TTC27: variants seen among roughly 807,000 people sequenced by gnomAD.
The protein encoded by TTC27 is tetratricopeptide repeat domain 27.
Under a neutral mutation model 115.9 loss-of-function variants are expected in TTC27, and 79 were observed. The ratio of observed to expected loss-of-function variants is 0.68; its 90% confidence interval spans 0.57 to 0.82. The LOEUF (loss-of-function observed/expected upper bound fraction) is 0.82, where lower values mean the gene tolerates loss of function less well. Among genes scored for constraint, TTC27 ranks in the 40% least tolerant of loss-of-function variants. The pLI, the probability that TTC27 is intolerant of heterozygous loss-of-function variation, is 0.00. For missense variants in TTC27, 1,054 were observed against 993.1 expected, an observed-to-expected ratio of 1.06 and a Z score of -0.82; for synonymous variants, 401 against 356.0, an observed-to-expected ratio of 1.13 and a Z score of -1.42.
intron 9 of TTC27, among the ~76,000 whole-genome samples, chr2:32,693,543 C>CATAT (rs1260587862): frequency 2.0e-5 from 3 of 152,158 alleles, no homozygotes; most frequent in Non-Finnish European, 4.4e-5. Flanking sequence ...CAGATCCATA[C>CATAT]ATATACAGTT....
chr2:32,675,017 A>C (rs1180906874), intron 8 of TTC27, among the ~76,000 whole-genome samples: 1 of 152,224 alleles, frequency 6.6e-6, no homozygotes, highest in Non-Finnish European at 1.5e-5. Flanking sequence ...AATCCATAAC[A>C]ACATTTAGTA....
intron 9 of TTC27, among the ~76,000 whole-genome samples, chr2:32,686,860 T>C (rs530257800): frequency 6.6e-6 from 1 of 152,280 alleles, no homozygotes; most frequent in Admixed American, 6.5e-5. Context: ...TTTGTGTGTG[T>C]GTGAGATGGA....
chr2:32,673,522 C>T (rs1028124407), intron 8 of TTC27, among the ~76,000 whole-genome samples: 1 of 152,120 alleles, frequency 6.6e-6, no homozygotes, highest in Non-Finnish European at 1.5e-5. Context: ...CCACCACACC[C>T]GGCCACCTTA....
intron 5 of TTC27, 23 bp from the exon 6 acceptor site, chr2:32,664,280 A>G: frequency 6.4e-7 from 1 of 1,573,052 alleles, no homozygotes. Flanking sequence ...ATAACTTTTA[A>G]TGTTTTATCT....
At chr2:32,689,826 G>C (rs1345106978) in intron 9 of TTC27, among the ~76,000 whole-genome samples, 1 of 152,142 alleles carries the variant, frequency 6.6e-6, no homozygotes, top group Non-Finnish European at 1.5e-5. Flanking sequence ...ATATAGAATA[G>C]CATAGGTAAT....
chr2:32,689,284 A>T (rs2151894123), intron 9 of TTC27, among the ~76,000 whole-genome samples: 1 of 152,270 alleles, frequency 6.6e-6, no homozygotes, highest in South Asian at 2.1e-4. Context: ...AACAGGTCAC[A>T]ATACTGAATA....
chr2:32,692,931 G>T (rs1457192749), intron 9 of TTC27, among the ~76,000 whole-genome samples: 1 of 150,530 alleles, frequency 6.6e-6, no homozygotes, highest in Non-Finnish European at 1.5e-5. Context: ...GGCTGAGATC[G>T]CACTACTGTA....
chr2:32,651,594 C>T (rs1232560192), intron 5 of TTC27, among the ~76,000 whole-genome samples: 1 of 152,190 alleles, frequency 6.6e-6, no homozygotes, highest in Non-Finnish European at 1.5e-5. Context: ...ATCAGCCCGC[C>T]TTGGCCTCCC....
intron 17 of TTC27, among the ~76,000 whole-genome samples, chr2:32,812,137 A>G (rs563223591): frequency 1.1e-4 from 17 of 152,348 alleles, no homozygotes; most frequent in Admixed American, 5.2e-4. Flanking sequence ...GAGATTACAT[A>G]TATCTACCAG....
intron 7 of TTC27, among the ~76,000 whole-genome samples, chr2:32,671,796 G>A (rs749295806): frequency 3.3e-5 from 5 of 152,188 alleles, no homozygotes; most frequent in Admixed American, 1.3e-4. Context: ...ACAGAGTTGG[G>A]AAGTTGATGT....
chr2:32,770,104 G>A (rs1446650841), intron 13 of TTC27, among the ~76,000 whole-genome samples: 1 of 152,214 alleles, frequency 6.6e-6, no homozygotes, highest in Non-Finnish European at 1.5e-5. Flanking sequence ...ACTAGCGGAT[G>A]TAAAAACCAA....
At chr2:32,716,008 A>G (rs996309176) in intron 10 of TTC27, among the ~76,000 whole-genome samples, 1 of 151,994 alleles carries the variant, frequency 6.6e-6, no homozygotes, top group Non-Finnish European at 1.5e-5. Context: ...GCTCATTATA[A>G]AAATATAAGC....
chr2:32,672,673 C>G (rs1056236553), intron 8 of TTC27, among the ~76,000 whole-genome samples: 1 of 152,092 alleles, frequency 6.6e-6, no homozygotes, highest in Non-Finnish European at 1.5e-5. Flanking sequence ...ATGAGAATGA[C>G]TATTTTGAGA....
At chr2:32,778,551 T>G (rs1403565985) in intron 14 of TTC27, among the ~76,000 whole-genome samples, 1 of 152,228 alleles carries the variant, frequency 6.6e-6, no homozygotes, top group Non-Finnish European at 1.5e-5. Flanking sequence ...ATTTTGTCTC[T>G]ATAGATTCAC....
chr2:32,731,097 T>C (rs1668277889), intron 10 of TTC27, among the ~76,000 whole-genome samples: 1 of 152,058 alleles, frequency 6.6e-6, no homozygotes, highest in Non-Finnish European at 1.5e-5. Flanking sequence ...TTTGTTCCTT[T>C]GTTTCTTTGT....
chr2:32,776,909 C>T (rs1558338396), intron 13 of TTC27, among the ~76,000 whole-genome samples: 1 of 152,020 alleles, frequency 6.6e-6, no homozygotes, highest in Non-Finnish European at 1.5e-5. Context: ...CACACCCAGC[C>T]GAATTTTTGT....
intron 16 of TTC27, among the ~76,000 whole-genome samples, chr2:32,792,797 G>T (rs1338388016): frequency 1.3e-5 from 2 of 152,232 alleles, no homozygotes; most frequent in Non-Finnish European, 2.9e-5. Flanking sequence ...ACTTTGATGA[G>T]ACTAGCCCAA....
rs553617830 is a variant in TTC27, at chr2:32,798,943, T to A, written c.1998+11794T>A. Among the ~76,000 whole-genome samples, 241 of 152,292 alleles carry A rather than the reference T, an allele frequency of 1.6e-3. 1 individual carries two copies. The highest frequency in any genetic ancestry group is 5.4e-3 in the African/African-American group (226 of 41,556). ...CAAAGAGAAATGTGTATACTTACATTCATAGCAGCATTATTCACATAGCTA... is the reference window on the plus strand; with the variant it reads ...CAAAGAGAAATGTGTATACTTACATACATAGCAGCATTATTCACATAGCTA... On this transcript the variant is annotated intron_variant, in intron 16 of 19. Coordinates refer to ENST00000317907, the MANE Select transcript of TTC27 (RefSeq NM_017735.5).
rs767552213 is a variant in TTC27, at chr2:32,787,111, C to T, written c.1960C>T (p.Arg654Trp). ...TTCAGAAGCCATTAAAGCTTATCAC[C>T]GGCTCTTGGACTTACGTGACAAATA... is the stretch of plus-strand genomic sequence containing the variant. ...EFSEAIKAYH[R>W]LLDLRDKYKD... Residue 654 changes from arginine (R) to tryptophan (W), a missense_variant, in exon 16 of 20, where the codon CGG (arginine) becomes TGG (tryptophan). By Grantham distance (101) the Arg-to-Trp change is moderately radical (BLOSUM62 -3). Coordinates refer to ENST00000317907, the MANE Select transcript of TTC27 (RefSeq NM_017735.5). 31 of 1,613,636 alleles carry T rather than the reference C, an allele frequency of 1.9e-5. No homozygotes were observed. Among genetic ancestry groups the T allele is most frequent in the African/African-American group, 2.7e-5 (2 of 74,880 alleles).
Sources: allele counts gnomAD v4.1 joint callset (sites outside exome capture counted in the v4.1 genomes callset), GRCh38; gene constraint gnomAD v4.1.1; transcripts MANE v1.5; gene names NCBI Gene and HGNC (gene_info 2026-07-23, HGNC 2026-07-21).